Variants in ANKS1B observed in about 807,000 individuals in gnomAD.
ANKS1B encodes the protein ankyrin repeat and sterile alpha motif domain-containing protein 1B.
Under a neutral mutation model 148.3 loss-of-function variants are expected in ANKS1B, and 36 were observed. That is an observed-to-expected ratio of 0.24 (90% confidence interval 0.19 to 0.32). The LOEUF (loss-of-function observed/expected upper bound fraction) is 0.32, where lower values mean the gene tolerates loss of function less well. Among genes scored for constraint, ANKS1B ranks in the 10% least tolerant of loss-of-function variants. The pLI is 1.00. For synonymous variants in ANKS1B, 542 were observed against 560.8 expected (o/e 0.97, Z 0.47); for missense variants, 1,157 against 1,542.6 (o/e 0.75, Z 4.19).
At chr12:98,942,948 A>G (rs1000072572) in intron 17 of ANKS1B, among the ~76,000 whole-genome samples, 3 of 152,224 alleles carry the variant, frequency 2.0e-5, no homozygotes, top group African/African-American at 7.2e-5. Flanking sequence ...CACCAAATAC[A>G]AGAATAGTGA....
At chr12:99,651,445 A>T (rs2098418823) in intron 9 of ANKS1B, among the ~76,000 whole-genome samples, 1 of 152,176 alleles carries the variant, frequency 6.6e-6, no homozygotes, top group Non-Finnish European at 1.5e-5. Context: ...CTTTAAAATG[A>T]CCATATTGCA....
intron 17 of ANKS1B, among the ~76,000 whole-genome samples, chr12:98,938,939 T>C (rs574868068): frequency 6.6e-6 from 1 of 152,312 alleles, no homozygotes; most frequent in South Asian, 2.1e-4. Context: ...ATAAGTCATG[T>C]TGAGTTTTAA....
intron 17 of ANKS1B, among the ~76,000 whole-genome samples, chr12:98,867,817 G>A (rs1379115810): frequency 1.3e-5 from 2 of 150,050 alleles, no homozygotes; most frequent in Non-Finnish European, 1.5e-5. Flanking sequence ...AGCCGAGATC[G>A]CACCACTACG....
chr12:99,566,475 G>A (rs375184273), intron 9 of ANKS1B, among the ~76,000 whole-genome samples: 229 of 152,236 alleles, frequency 1.5e-3, no homozygotes, highest in Non-Finnish European at 2.8e-3. Flanking sequence ...TTTCTACTAA[G>A]GGTCTGTTCA....
intron 10 of ANKS1B, among the ~76,000 whole-genome samples, chr12:99,493,382 C>A (rs558573275): frequency 6.7e-6 from 1 of 148,588 alleles, no homozygotes; most frequent in South Asian, 2.1e-4. Flanking sequence ...CTGGGACACA[C>A]CTAGGGAAGT....
Position 98,745,973 on chromosome 12 carries a change from T to C in ANKS1B, c.3748-124A>G, listed in dbSNP as rs919804286. The C allele has an allele frequency of 2.1e-5, 22 of 1,036,678 alleles. No homozygotes were observed. In the South Asian group the frequency reaches 3.5e-4, roughly 16 times the overall value. 64.2% of individuals were successfully genotyped at this position (1,036,678 alleles called of 1,614,324 possible). A position where few individuals can be genotyped will look rare whatever the true frequency, so the allele number is the denominator to read the frequency against. ...CAGGCGCGGGGCGGCGATGCTGGTC[T>C]AGGCGGCTCGCGGGCTCGCTCTTTG... On this transcript the variant is annotated intron_variant, in intron 26 of 26. Transcript: ENST00000683438.
intron 14 of ANKS1B, among the ~76,000 whole-genome samples, chr12:99,199,860 TG>T (rs2081858862): frequency 6.6e-6 from 1 of 152,186 alleles, no homozygotes; most frequent in African/African-American, 2.4e-5. Flanking sequence ...CTCCTTTATG[TG>T]TGACCATCAC....
At chr12:98,908,978 C>T (rs369727102) in intron 17 of ANKS1B, among the ~76,000 whole-genome samples, 15 of 152,100 alleles carry the variant, frequency 9.9e-5, no homozygotes, top group African/African-American at 2.7e-4. Context: ...TAGATAAATG[C>T]GGGAGAGGGG....
chr12:98,850,222 A>G (rs145396189), intron 17 of ANKS1B, among the ~76,000 whole-genome samples: 112 of 152,322 alleles, frequency 7.4e-4, no homozygotes, highest in African/African-American at 2.6e-3. Context: ...GAGGAAGTAA[A>G]AGAGCTTCTT....
rs1602174205 is a variant in ANKS1B at position 99,789,004 on chromosome 12, C to T, written c.670-6907G>A. Among the ~76,000 whole-genome samples, 4 of 152,250 alleles carry T rather than the reference C, an allele frequency of 2.6e-5. No homozygotes were observed. In the South Asian group the frequency reaches 8.3e-4, roughly 32 times the overall value. On this transcript the variant is annotated intron_variant, in intron 4 of 26. Coordinates refer to ENST00000683438, the MANE Select transcript of ANKS1B (RefSeq NM_001352186.2). ...TTGACTCTAATCCTTGGCTTCCAGA[C>T]AGCTACTCTGGACATGCCCAGGGTC...
intron 8 of ANKS1B, among the ~76,000 whole-genome samples, chr12:99,739,647 CATGTCATCTCCATGTCATCTCT>C (rs1184803350): frequency 6.6e-6 from 1 of 152,074 alleles, no homozygotes; most frequent in African/African-American, 2.4e-5. Flanking sequence ...TCTCTTTGAC[CATGTCATCTCCATGTCATCTCT>C]ATGTCATCTC....
chr12:99,101,925 T>C (rs563294955), intron 15 of ANKS1B, among the ~76,000 whole-genome samples: 1 of 152,226 alleles, frequency 6.6e-6, no homozygotes, highest in South Asian at 2.1e-4. Context: ...GAGGGGATGT[T>C]AGCAGACAGT....
intron 14 of ANKS1B, among the ~76,000 whole-genome samples, chr12:99,216,300 A>C (rs181572687): frequency 5.4e-4 from 82 of 152,348 alleles, no homozygotes; most frequent in African/African-American, 1.9e-3. Flanking sequence ...TCTTCATAGC[A>C]GTATGAAAAT....
At chr12:99,707,603 T>C (rs957975476) in intron 8 of ANKS1B, among the ~76,000 whole-genome samples, 14 of 152,062 alleles carry the variant, frequency 9.2e-5, no homozygotes, top group African/African-American at 3.4e-4. Flanking sequence ...AAAGGAAATT[T>C]CCTTTGCTTT....
chr12:99,718,105 A>G (rs376984178), intron 8 of ANKS1B, among the ~76,000 whole-genome samples: 3,863 of 151,378 alleles, frequency 0.026, 151 homozygotes, highest in African/African-American at 0.082. Context: ...GGGTTTCACC[A>G]TGTTAGCCAG....
chr12:99,696,096 A>T (rs1460601064), intron 8 of ANKS1B, among the ~76,000 whole-genome samples: 2 of 152,148 alleles, frequency 1.3e-5, no homozygotes, highest in African/African-American at 2.4e-5. Context: ...CTAAAATAAA[A>T]GTTGAAATAA....
At chr12:99,621,899 T>C (rs907707074) in intron 9 of ANKS1B, among the ~76,000 whole-genome samples, 5 of 152,000 alleles carry the variant, frequency 3.3e-5, no homozygotes, top group Non-Finnish European at 5.9e-5. Context: ...ACTTGACTAA[T>C]TGGATCTAAT....
rs186342613 is a variant in ANKS1B, at chr12:99,327,568, C to T, written c.1756+72063G>A. On this transcript the variant is annotated intron_variant, in intron 12 of 26. Coordinates refer to ENST00000683438, the MANE Select transcript of ANKS1B (RefSeq NM_001352186.2). The stretch of plus-strand genomic sequence containing the variant: ...TGAAATTGCTTGCTGATGTATTTCT[C>T]AGGACATATCCCCATTATTAAGCAA... Among the ~76,000 whole-genome samples the T allele has an allele frequency of 3.1e-3, 458 of 146,530 alleles. 1 individual carries two copies. Among genetic ancestry groups the T allele is most frequent in the Non-Finnish European group, 5.4e-3 (361 of 66,934 alleles).
At chr12:98,916,347 C>T (rs1371964633) in intron 17 of ANKS1B, among the ~76,000 whole-genome samples, 1 of 152,212 alleles carries the variant, frequency 6.6e-6, no homozygotes, top group Non-Finnish European at 1.5e-5. Context: ...GCTGAGCACT[C>T]TTCCACATCT....
Sources: allele counts gnomAD v4.1 joint callset (sites outside exome capture counted in the v4.1 genomes callset), GRCh38; gene constraint gnomAD v4.1.1; transcripts MANE v1.5; gene names NCBI Gene and HGNC (gene_info 2026-07-23, HGNC 2026-07-21).